The following KLF12 variants were observed in gnomAD, a reference collection of about 807,000 sequenced individuals.
KLF12 encodes KLF transcription factor 12.
Under a neutral mutation model 37.8 loss-of-function variants are expected in KLF12, and 9 were observed. That is an observed-to-expected ratio of 0.24 (90% CI 0.14 to 0.42). The LOEUF (loss-of-function observed/expected upper bound fraction) is 0.42, where lower values mean the gene tolerates loss of function less well. Ranked by LOEUF, KLF12 falls within the 10% of genes least tolerant of loss-of-function variation. The pLI, the probability that KLF12 is intolerant of heterozygous loss-of-function variation, is 1.00. For missense variants in KLF12, 411 were observed against 516.0 expected (o/e 0.80, Z 1.97); for synonymous variants, 208 against 202.1 (o/e 1.03, Z -0.25).
intron 1 of KLF12, among the ~76,000 whole-genome samples, chr13:74,064,230 A>G (rs111740932): frequency 0.028 from 4,258 of 152,294 alleles, 90 homozygotes; most frequent in Non-Finnish European, 0.043. Context: ...AAAACATCAC[A>G]GGGATTCTCA....
intron 1 of KLF12, among the ~76,000 whole-genome samples, chr13:74,053,823 G>A (rs1873080641): frequency 6.6e-6 from 1 of 152,146 alleles, no homozygotes; most frequent in Admixed American, 6.6e-5. Flanking sequence ...ATGAGGTGGA[G>A]GGAAAGCAGA....
chr13:73,778,644 C>T (rs902850170), intron 5 of KLF12, among the ~76,000 whole-genome samples: 3 of 152,112 alleles, frequency 2.0e-5, no homozygotes, highest in East Asian at 1.9e-4. Flanking sequence ...GGATTACAAG[C>T]GTGAGCCACT....
At chr13:73,988,209 A>AT (rs1891878976) in intron 2 of KLF12, among the ~76,000 whole-genome samples, 1 of 152,186 alleles carries the variant, frequency 6.6e-6, no homozygotes, top group Non-Finnish European at 1.5e-5. Flanking sequence ...TTTGCTAAGA[A>AT]TTTTTTCTAA....
At chr13:73,835,713 C>A (rs773454133) in intron 4 of KLF12, among the ~76,000 whole-genome samples, 2 of 152,072 alleles carry the variant, frequency 1.3e-5, no homozygotes, top group Non-Finnish European at 2.9e-5. Context: ...ATACACACCC[C>A]CTGCCCGCAG....
intron 1 of KLF12, among the ~76,000 whole-genome samples, chr13:73,995,689 G>A (rs1294358026): frequency 6.6e-6 from 1 of 152,020 alleles, no homozygotes; most frequent in East Asian, 1.9e-4. Flanking sequence ...GTTTCTAAAA[G>A]GTCCAAAATC....
the KLF12 span, among the ~76,000 whole-genome samples, chr13:74,217,866 T>A: frequency 6.6e-6 from 1 of 152,246 alleles, no homozygotes; most frequent in Non-Finnish European, 1.5e-5. Flanking sequence ...ATGACTTGTT[T>A]AGAATTTTAC....
At chr13:73,844,133 A>G (rs1884892476) in intron 4 of KLF12, among the ~76,000 whole-genome samples, 1 of 152,132 alleles carries the variant, frequency 6.6e-6, no homozygotes, top group Non-Finnish European at 1.5e-5. Context: ...TTTTTATCTT[A>G]TTTTACAAAG....
rs575490708 is a variant in KLF12, at chr13:73,914,937, T to C, written c.123+29044A>G. On this transcript the variant is annotated intron_variant, in intron 3 of 7. Transcript: ENST00000377669. Reference sequence around the variant, plus strand: ...AGTTTCCTAATGCTTATATAACAAATTACCACAAATGGAATGGCTTAAAAC... The same window carrying C: ...AGTTTCCTAATGCTTATATAACAAACTACCACAAATGGAATGGCTTAAAAC... 4.4e-4 allele frequency among the ~76,000 whole-genome samples: 67 copies of C among 152,272 alleles called. 2 individuals are homozygous for C. In the South Asian group the frequency reaches 0.014, roughly 31 times the overall value.
intron 3 of KLF12, among the ~76,000 whole-genome samples, chr13:73,890,764 G>A (rs1887468382): frequency 6.6e-6 from 1 of 151,676 alleles, no homozygotes; most frequent in African/African-American, 2.4e-5. Flanking sequence ...TGGGTAATAA[G>A]TCTCCTCTCT....
intron 6 of KLF12, among the ~76,000 whole-genome samples, chr13:73,735,251 T>C (rs958354924): frequency 2.0e-5 from 3 of 152,146 alleles, no homozygotes; most frequent in East Asian, 1.9e-4. Context: ...TGAGCTATGA[T>C]TGTGCCACTG....
chr13:73,738,256 T>C (rs1354566095), intron 6 of KLF12, among the ~76,000 whole-genome samples: 3 of 151,110 alleles, frequency 2.0e-5, no homozygotes, highest in African/African-American at 7.3e-5. Flanking sequence ...GCGATTCTCC[T>C]GCCTCAGCCT....
chr13:73,810,750 C>G (rs1029560879), intron 5 of KLF12, among the ~76,000 whole-genome samples: 5 of 151,958 alleles, frequency 3.3e-5, no homozygotes, highest in Non-Finnish European at 7.4e-5. Flanking sequence ...TGAAACTTAT[C>G]ATCATTTAGT....
At chr13:74,084,834 G>A (rs1875163264) in intron 1 of KLF12, among the ~76,000 whole-genome samples, 1 of 151,784 alleles carries the variant, frequency 6.6e-6, no homozygotes, top group Admixed American at 6.6e-5. Context: ...AAAAAAAAAA[G>A]GGATGGGAAC....
the KLF12 span, among the ~76,000 whole-genome samples, chr13:74,143,653 G>A: frequency 6.6e-6 from 1 of 152,046 alleles, no homozygotes; most frequent in Non-Finnish European, 1.5e-5. Flanking sequence ...CTTTCTCTAT[G>A]TAGTGCTTAT....
chr13:74,083,490 G>GGGC (rs1555270469), intron 1 of KLF12, among the ~76,000 whole-genome samples: 25 of 124,098 alleles, frequency 2.0e-4, no homozygotes, highest in African/African-American at 8.3e-4. Context: ...CTGGGCGATA[G>GGGC]GAGACACACA....
At chr13:74,202,889 G>T in the KLF12 span, among the ~76,000 whole-genome samples, 2 of 152,080 alleles carry the variant, frequency 1.3e-5, no homozygotes, top group Non-Finnish European at 2.9e-5. Flanking sequence ...AAAGGAGCAC[G>T]GTAGGAAAGG....
At chr13:73,700,298 TAAA>T (rs1218638232) in intron 7 of KLF12, among the ~76,000 whole-genome samples, 1 of 150,752 alleles carries the variant, frequency 6.6e-6, no homozygotes, top group Non-Finnish European at 1.5e-5. Context: ...ATTAATTAAT[TAAA>T]AAGAAAAAAT....
At chr13:73,896,489 C>A (rs1006370052) in intron 3 of KLF12, among the ~76,000 whole-genome samples, 1 of 152,040 alleles carries the variant, frequency 6.6e-6, no homozygotes, top group Non-Finnish European at 1.5e-5. Context: ...AAGTCTCTGA[C>A]TGAGACATTA....
intron 3 of KLF12, among the ~76,000 whole-genome samples, chr13:73,891,705 A>C (rs1044744022): frequency 1.3e-5 from 2 of 152,004 alleles, no homozygotes; most frequent in Non-Finnish European, 2.9e-5. Context: ...TATATACCTC[A>C]ATTTTTGTCT....
Sources: gnomAD v4.1 joint callset for allele counts (sites outside exome capture counted in the v4.1 genomes callset) on GRCh38, gnomAD v4.1.1 for gene constraint, MANE v1.5 for transcripts, NCBI Gene and HGNC (gene_info 2026-07-23, HGNC 2026-07-21) for gene names.